Variants in PMFBP1 observed in about 807,000 individuals in gnomAD.
The protein encoded by PMFBP1 is polyamine modulated factor 1 binding protein 1.
A neutral mutation model predicts 137.8 loss-of-function variants in PMFBP1; 131 were observed. That is an observed-to-expected ratio of 0.95 (90% CI 0.82 to 1.10). The LOEUF is 1.10. Among genes scored for constraint, PMFBP1 ranks in the 50% least tolerant of loss-of-function variants. The pLI, the probability that PMFBP1 is intolerant of heterozygous loss-of-function variation, is 0.00. For synonymous variants in PMFBP1, 490 were observed against 450.4 expected, an observed-to-expected ratio of 1.09 and a Z score of -1.11; for missense variants, 1,199 against 1,175.4, an observed-to-expected ratio of 1.02 and a Z score of -0.29.
At chr16:72,125,093 CTCTG>C (rs2042434465) in intron 16 of PMFBP1, 141 bp downstream of exon 16, 13 of 1,379,880 alleles carry the variant, frequency 9.4e-6, no homozygotes, top group East Asian at 2.3e-5. Context: ...TCTTTGCTGC[CTCTG>C]TCTGAAGTTC....
At chr16:72,164,033 T>TAACAAC (rs36030275) in intron 3 of PMFBP1, among the ~76,000 whole-genome samples, 2 of 148,382 alleles carry the variant, frequency 1.3e-5, no homozygotes, top group Non-Finnish European at 3.0e-5. Flanking sequence ...CTTACTCATG[T>TAACAAC]AACAACAACA....
chr16:72,134,322 G>T (rs2042592522), intron 9 of PMFBP1, among the ~76,000 whole-genome samples: 1 of 152,110 alleles, frequency 6.6e-6, no homozygotes, highest in Non-Finnish European at 1.5e-5. Context: ...AGCTGGGACT[G>T]CAGGGGTGTG....
intron 3 of PMFBP1, among the ~76,000 whole-genome samples, chr16:72,161,459 A>G (rs1473950192): frequency 6.6e-6 from 1 of 152,140 alleles, no homozygotes; most frequent in African/African-American, 2.4e-5. Flanking sequence ...GTACTAGCAG[A>G]GCATAGAACT....
At chr16:72,164,674 C>G (rs1456717847) in intron 3 of PMFBP1, 90 bp downstream of exon 3, 8 of 1,461,384 alleles carry the variant, frequency 5.5e-6, no homozygotes, top group Non-Finnish European at 7.4e-6. Context: ...CCTGAATGAA[C>G]AGTGGAAGAA....
rs762055854 is a variant in PMFBP1, at chr16:72,164,967, C to T, written c.13-51G>A. 24 of 1,513,720 alleles carry T rather than the reference C, an allele frequency of 1.6e-5. No homozygotes were observed. In the African/African-American group the frequency reaches 3.3e-4, roughly 21 times the overall value. 93.8% of individuals were successfully genotyped at this position (1,513,720 alleles called of 1,614,324 possible). A position where few individuals can be genotyped will look rare whatever the true frequency, so the allele number is the denominator to read the frequency against. Reference sequence around the variant, plus strand: ...TCAATTATAAACTATCAAGAAAGTGCTGCTTTCATTCACTTAACAGGTTGA... The same window carrying T: ...TCAATTATAAACTATCAAGAAAGTGTTGCTTTCATTCACTTAACAGGTTGA... On this transcript the variant is annotated intron_variant, in intron 2 of 20. Transcript: ENST00000237353.
At chr16:72,186,712 A>G in the PMFBP1 span, among the ~76,000 whole-genome samples, 1 of 152,240 alleles carries the variant, frequency 6.6e-6, no homozygotes, top group Non-Finnish European at 1.5e-5. Context: ...TAGCCAGTTG[A>G]GCAGAGTGAT....
the PMFBP1 span, among the ~76,000 whole-genome samples, chr16:72,203,307 T>C: frequency 3.9e-5 from 6 of 152,236 alleles, no homozygotes; most frequent in Non-Finnish European, 7.3e-5. Flanking sequence ...CCCTGGAGCA[T>C]GTCTGGTCAC....
In PMFBP1 at chr16:72,124,926, G is replaced by A. The variant is rs1245584557; in HGVS notation, c.2430C>T (p.Ala810=). 1 of 1,613,886 alleles carries A rather than the reference G, an allele frequency of 6.2e-7. No individual in the cohort carries two copies. Among genetic ancestry groups the A allele is most frequent in the African/African-American group, 1.3e-5 (1 of 74,932 alleles). The change falls in exon 17 of 21, where the codon GCC becomes GCT. Residue 810 remains alanine (A), a synonymous_variant. Transcript: ENST00000237353. ...FHQESELEVH[A]FDKKLEEMSC... ...TCATCTCCTCTAGCTTCTTGTCAAA[G>A]GCGTGCACCTACTCAGGAGAGCAAA...
At chr16:72,242,881 G>C in the PMFBP1 span, among the ~76,000 whole-genome samples, 2 of 152,306 alleles carry the variant, frequency 1.3e-5, no homozygotes, top group South Asian at 4.1e-4. Context: ...TGTGTGCAAA[G>C]GGGAGGAGGG....
At chr16:72,123,418 G>C in intron 18 of PMFBP1, 128 bp downstream of exon 18, 1 of 760,990 alleles carries the variant, frequency 1.3e-6, no homozygotes, top group African/African-American at 1.7e-5. Context: ...CATCCCTTGG[G>C]TGTGGGCTGA....
Position 72,144,256 on chromosome 16 carries a change from A to G in PMFBP1, c.637-3674T>C, listed in dbSNP as rs1000309919. Among the ~76,000 whole-genome samples, 6 of 152,270 alleles carry G rather than the reference A, an allele frequency of 3.9e-5. No homozygotes were observed. In the South Asian group the frequency reaches 1.2e-3, roughly 32 times the overall value. The stretch of plus-strand genomic sequence containing the variant: ...GCTAATTTCCCCCAAATTAGTACAT[A>G]ATTTGAAAGTCAGTCAACATAAATC... On this transcript the variant is annotated intron_variant, in intron 5 of 20. Transcript: ENST00000237353.
chr16:72,241,363 A>C, the PMFBP1 span, among the ~76,000 whole-genome samples: 1 of 152,234 alleles, frequency 6.6e-6, no homozygotes, highest in Non-Finnish European at 1.5e-5. Flanking sequence ...TGAATAATAA[A>C]CAAAAGTAGC....
In PMFBP1 at chr16:72,150,842, G is replaced by A; in HGVS notation, c.415-13C>T. Reference sequence around the variant, plus strand: ...CATAGAGAATCACCTGTAGGTGTAGGAATAAATCCACATTGAGCCCATGGA... The same window carrying A: ...CATAGAGAATCACCTGTAGGTGTAGAAATAAATCCACATTGAGCCCATGGA... On this transcript the variant is annotated splice_polypyrimidine_tract_variant and intron_variant, in intron 4 of 20. Coordinates refer to ENST00000237353, the MANE Select transcript of PMFBP1 (RefSeq NM_031293.3). The A allele has an allele frequency of 6.2e-7, 1 of 1,605,854 alleles. No homozygotes were observed. The highest frequency in any genetic ancestry group is 8.5e-7 in the Non-Finnish European group (1 of 1,174,696).
At chr16:72,219,112 C>G in the PMFBP1 span, among the ~76,000 whole-genome samples, 1 of 152,128 alleles carries the variant, frequency 6.6e-6, no homozygotes, top group South Asian at 2.1e-4. Context: ...TACATTACCT[C>G]ACATACTTAT....
chr16:72,150,527 G>A, intron 5 of PMFBP1, 81 bp downstream of exon 5: 1 of 1,374,890 alleles, frequency 7.3e-7, no homozygotes, highest in Admixed American at 1.7e-5. Flanking sequence ...GGTTTCCAGT[G>A]GAGGAGGCTG....
chr16:72,183,226 G>T, the PMFBP1 span, among the ~76,000 whole-genome samples: 1 of 152,162 alleles, frequency 6.6e-6, no homozygotes, highest in East Asian at 1.9e-4. Context: ...CTTCCTGGTG[G>T]GATCTTAGTT....
intron 2 of PMFBP1, among the ~76,000 whole-genome samples, chr16:72,167,310 T>C (rs2043160041): frequency 6.6e-6 from 1 of 152,106 alleles, no homozygotes; most frequent in Non-Finnish European, 1.5e-5. Flanking sequence ...TTTTAACCAC[T>C]TTACAGTTTA....
chr16:72,137,560 C>A (rs992910323), intron 7 of PMFBP1, among the ~76,000 whole-genome samples: 1 of 152,096 alleles, frequency 6.6e-6, no homozygotes, highest in Non-Finnish European at 1.5e-5. Context: ...GCGGGGAGAC[C>A]AGCCAGAGAC....
chr16:72,240,912 T>TGAGA, the PMFBP1 span, among the ~76,000 whole-genome samples: 7 of 148,424 alleles, frequency 4.7e-5, no homozygotes, highest in African/African-American at 1.2e-4. Context: ...GGTGTGTGTG[T>TGAGA]GAGAGAGAGA....
Sources: allele counts gnomAD v4.1 joint callset (sites outside exome capture counted in the v4.1 genomes callset), GRCh38; gene constraint gnomAD v4.1.1; transcripts MANE v1.5; gene names NCBI Gene and HGNC (gene_info 2026-07-23, HGNC 2026-07-21).